Variants in IGSF11 observed in about 807,000 individuals in gnomAD.
IGSF11 encodes the protein CXADR like 1.
A neutral mutation model predicts 41.0 loss-of-function variants in IGSF11; 22 were observed. The observed-to-expected ratio is 0.54, with a 90% confidence interval of 0.38 to 0.77. The LOEUF is 0.77. IGSF11 is among the 30% of genes least tolerant of loss of function. IGSF11 has a pLI of 0.00. For missense variants in IGSF11, 444 were observed against 530.8 expected, an observed-to-expected ratio of 0.84 and a Z score of 1.61; for synonymous variants, 219 against 201.3, an observed-to-expected ratio of 1.09 and a Z score of -0.74.
chr3:118,961,048 TC>T (rs143411087), intron 1 of IGSF11, among the ~76,000 whole-genome samples: 3,669 of 152,246 alleles, frequency 0.024, 79 homozygotes, highest in East Asian at 0.066. Context: ...TTCAAGACAG[TC>T]TCTTAGAGCT....
upstream of IGSF11, among the ~76,000 whole-genome samples, chr3:119,109,168 C>A (rs1312348691): frequency 2.8e-4 from 39 of 140,492 alleles, no homozygotes; most frequent in African/African-American, 1.0e-3. Context: ...GGAATGGTAC[C>A]AGTTCCTCCT....
At chr3:119,048,093 A>G (rs1375623287) in intron 1 of IGSF11, among the ~76,000 whole-genome samples, 2 of 151,458 alleles carry the variant, frequency 1.3e-5, no homozygotes, top group African/African-American at 2.4e-5. Context: ...AAGAACTAGA[A>G]AAGCAAGAGC....
At chr3:119,046,808 C>A (rs1475273278) in intron 1 of IGSF11, among the ~76,000 whole-genome samples, 6 of 151,460 alleles carry the variant, frequency 4.0e-5, no homozygotes, top group African/African-American at 1.5e-4. Flanking sequence ...TCGGCAGAAA[C>A]CCTACAAGCC....
At chr3:119,058,231 A>G (rs1335508764) in intron 1 of IGSF11, among the ~76,000 whole-genome samples, 1 of 152,166 alleles carries the variant, frequency 6.6e-6, no homozygotes, top group Non-Finnish European at 1.5e-5. Context: ...TCATCTGACA[A>G]AGGGCTAATA....
intron 1 of IGSF11, among the ~76,000 whole-genome samples, chr3:119,011,607 A>C (rs1042058939): frequency 2.0e-5 from 3 of 152,154 alleles, no homozygotes; most frequent in African/African-American, 4.8e-5. Flanking sequence ...GGGCCACAGA[A>C]GGAGAACCCA....
chr3:119,048,591 C>T (rs1056110754), intron 1 of IGSF11, among the ~76,000 whole-genome samples: 2 of 152,054 alleles, frequency 1.3e-5, no homozygotes, highest in Non-Finnish European at 2.9e-5. Flanking sequence ...GGTACCATTC[C>T]TTCTGAAACT....
At position 118,975,363 on chromosome 3, in the gene IGSF11, T is replaced by TAAAAAAAAA. The variant is rs376307753; in HGVS notation, c.53-45097_53-45089dup. On this transcript the variant is annotated intron_variant, in intron 1 of 6. Transcript: ENST00000393775. ...AATAAATTTGTAGCCCTGCTGGATTTAAAAAAAAAAAAAAAAGATGTGCTC... is the reference window on the plus strand; with the variant it reads ...AATAAATTTGTAGCCCTGCTGGATTTAAAAAAAAAAAAAAAAAAAAAAAAAGATGTGCTC... 2.8e-5 allele frequency among the ~76,000 whole-genome samples: 4 copies of TAAAAAAAAA among 140,742 alleles called. 1 individual carries two copies. Among genetic ancestry groups the TAAAAAAAAA allele is most frequent in the African/African-American group, 2.6e-5 (1 of 37,956 alleles). The allele number at this position is 140,742 out of a possible 152,430, so 92.3% of individuals were successfully genotyped here. A position where few individuals can be genotyped will look rare whatever the true frequency, so the allele number is the denominator to read the frequency against.
chr3:118,970,578 G>A (rs1166378135), intron 1 of IGSF11, among the ~76,000 whole-genome samples: 2 of 152,074 alleles, frequency 1.3e-5, no homozygotes, highest in Admixed American at 6.6e-5. Flanking sequence ...AAGTGGAAAG[G>A]TTTTGAATTT....
intron 1 of IGSF11, among the ~76,000 whole-genome samples, chr3:118,939,607 C>T (rs949973106): frequency 1.3e-5 from 2 of 151,494 alleles, no homozygotes; most frequent in African/African-American, 2.4e-5. Flanking sequence ...AAATAATTCA[C>T]AGGTCAAAGA....
chr3:119,027,974 G>A (rs1939986159), intron 1 of IGSF11, among the ~76,000 whole-genome samples: 1 of 152,114 alleles, frequency 6.6e-6, no homozygotes, highest in African/African-American at 2.4e-5. Context: ...TGCAGCCTCT[G>A]TTTTTGCCAT....
chr3:119,057,978 T>G (rs1183969637), intron 1 of IGSF11, among the ~76,000 whole-genome samples: 1 of 152,178 alleles, frequency 6.6e-6, no homozygotes, highest in East Asian at 1.9e-4. Flanking sequence ...TAATTCAAGG[T>G]GGATTAAAGA....
At position 119,043,419 on chromosome 3, in the gene IGSF11, T is replaced by C. The variant is rs557477344; in HGVS notation, c.49+61725A>G. The stretch of plus-strand genomic sequence containing the variant: ...TGTTTAAAGGTGGATGTGGTCACCT[T>C]CCCAGCTATGCTTAGGGATTCTTAG... On this transcript the variant is annotated intron_variant, in intron 1 of 6. Transcript: ENST00000354673. Among the ~76,000 whole-genome samples, 435 of 152,234 alleles carry C rather than the reference T, an allele frequency of 2.9e-3. 2 individuals are homozygous for C. The highest frequency in any genetic ancestry group is 3.2e-3 in the Non-Finnish European group (215 of 68,006).
intron 1 of IGSF11, among the ~76,000 whole-genome samples, chr3:118,963,729 T>C (rs1356436411): frequency 6.6e-6 from 1 of 152,194 alleles, no homozygotes; most frequent in Non-Finnish European, 1.5e-5. Context: ...AAGAATTATA[T>C]TTCTATTTAT....
chr3:119,066,936 A>G (rs1202092419), intron 1 of IGSF11, among the ~76,000 whole-genome samples: 1 of 152,138 alleles, frequency 6.6e-6, no homozygotes, highest in Non-Finnish European at 1.5e-5. Flanking sequence ...CCACCATTTT[A>G]TCTATGAGTC....
At chr3:118,944,624 G>A (rs755184655) in intron 1 of IGSF11, among the ~76,000 whole-genome samples, 2 of 151,832 alleles carry the variant, frequency 1.3e-5, no homozygotes, top group African/African-American at 2.4e-5. Context: ...ATATAGTCAC[G>A]ACACTTTAAA....
At position 119,053,132 on chromosome 3, in the gene IGSF11, G is replaced by T. The variant is rs180863749; in HGVS notation, c.49+52012C>A. Among the ~76,000 whole-genome samples the T allele has an allele frequency of 3.4e-3, 520 of 152,262 alleles. 6 individuals carry two copies. Among genetic ancestry groups the T allele is most frequent in the Admixed American group, 8.7e-3 (133 of 15,280 alleles). On this transcript the variant is annotated intron_variant, in intron 1 of 6. Coordinates refer to the IGSF11 transcript ENST00000354673. ...ACCACTTCTATTCAACGTAGTACTG[G>T]AAGTCCTAGCCAGAGCAATCAAACA... is the stretch of plus-strand genomic sequence containing the variant.
chr3:119,127,894 C>T (rs1253752523), intron 1 of IGSF11, among the ~76,000 whole-genome samples: 1 of 152,184 alleles, frequency 6.6e-6, no homozygotes, highest in Non-Finnish European at 1.5e-5. Flanking sequence ...TGCAAGAGCT[C>T]CTGAAAGAAA....
At chr3:118,975,363 T>TTAAAAA (rs765744961) in intron 1 of IGSF11, among the ~76,000 whole-genome samples, 3 of 140,742 alleles carry the variant, frequency 2.1e-5, no homozygotes, top group Non-Finnish European at 4.6e-5. Context: ...CTGCTGGATT[T>TTAAAAA]AAAAAAAAAA....
intron 1 of IGSF11, among the ~76,000 whole-genome samples, chr3:118,999,382 G>C (rs925491130): frequency 2.0e-5 from 3 of 152,154 alleles, no homozygotes; most frequent in Non-Finnish European, 4.4e-5. Context: ...AATGTGGAAA[G>C]AAACTGCTAT....
Sources: allele counts gnomAD v4.1 joint callset (sites outside exome capture counted in the v4.1 genomes callset), GRCh38; gene constraint gnomAD v4.1.1; transcripts MANE v1.5; gene names NCBI Gene and HGNC (gene_info 2026-07-23, HGNC 2026-07-21).